The following IL23R variants were observed in gnomAD, a reference collection of about 807,000 sequenced individuals.
The protein encoded by IL23R is interleukin 23 receptor.
In IL23R, 34 loss-of-function variants were observed where a neutral mutation model predicts 56.9. That is an observed-to-expected ratio of 0.60 (90% CI 0.45 to 0.80). IL23R has a LOEUF of 0.80. IL23R is among the 30% of genes least tolerant of loss of function. The pLI, the probability that IL23R is intolerant of heterozygous loss-of-function variation, is 0.00. For synonymous variants in IL23R, 230 were observed against 249.2 expected (o/e 0.92, Z 0.73); for missense variants, 635 against 730.0 (o/e 0.87, Z 1.50).
chr1:67,156,378 G>A (rs1327264598), intron 1 of IL23R, among the ~76,000 whole-genome samples: 1 of 152,208 alleles, frequency 6.6e-6, no homozygotes, highest in Admixed American at 6.5e-5. Context: ...CAGCAGACAG[G>A]AAAGATTAAG....
At chr1:67,236,573 G>C in intron 7 of IL23R, 140 bp from the exon 8 acceptor site, 1 of 676,104 alleles carries the variant, frequency 1.5e-6, no homozygotes, top group Non-Finnish European at 2.7e-6. Flanking sequence ...GAAGACTATT[G>C]CTTTTATTCC....
At chr1:67,229,645 C>G (rs574505746) in intron 7 of IL23R, among the ~76,000 whole-genome samples, 1 of 152,156 alleles carries the variant, frequency 6.6e-6, no homozygotes, top group Non-Finnish European at 1.5e-5. Context: ...TACATAGGGG[C>G]GGCCAGCCAC....
At chr1:67,161,407 G>A (rs1287748607) in intron 1 of IL23R, among the ~76,000 whole-genome samples, 1 of 152,000 alleles carries the variant, frequency 6.6e-6, no homozygotes, top group Non-Finnish European at 1.5e-5. Context: ...TTATAGAAAA[G>A]CAAAAGGAAG....
chr1:67,215,395 A>C (rs956710303), intron 6 of IL23R, among the ~76,000 whole-genome samples: 17 of 152,078 alleles, frequency 1.1e-4, no homozygotes, highest in African/African-American at 3.6e-4. Context: ...TCTCCTCTAC[A>C]TGTCTCCTGG....
At position 67,213,015 on chromosome 1, in the gene IL23R, A is replaced by G. The variant is rs554914800; in HGVS notation, c.798+5960A>G. Among the ~76,000 whole-genome samples, 7 of 152,172 alleles carry G rather than the reference A, an allele frequency of 4.6e-5. No individual in the cohort carries two copies. In the South Asian group the frequency reaches 8.3e-4, roughly 18 times the overall value. On this transcript the variant is annotated intron_variant, in intron 6 of 10. Coordinates refer to ENST00000347310, the MANE Select transcript of IL23R (RefSeq NM_144701.3). ...CAGCCTCCCTAGTAGCTGGGATTAC[A>G]GGCATCGGGCACCACGTCTGGCTTC...
At chr1:67,165,473 C>G (rs993644767), upstream of IL23R, among the ~76,000 whole-genome samples, 1 of 152,016 alleles carries the variant, frequency 6.6e-6, no homozygotes, top group African/African-American at 2.4e-5. Context: ...GATCTATAGT[C>G]CCCCCACAGA....
intron 5 of IL23R, among the ~76,000 whole-genome samples, chr1:67,204,518 G>A (rs1488741310): frequency 6.6e-6 from 1 of 152,118 alleles, no homozygotes; most frequent in Non-Finnish European, 1.5e-5. Context: ...GCTTTATGCT[G>A]TGATTCTTAC....
chr1:67,236,886 G>T, intron 8 of IL23R, 84 bp downstream of exon 8: 1 of 882,032 alleles, frequency 1.1e-6, no homozygotes, highest in Non-Finnish European at 1.9e-6. Flanking sequence ...ATCACATCAG[G>T]TGTTAAGTTT....
At chr1:67,225,038 A>G (rs1239984508) in intron 7 of IL23R, among the ~76,000 whole-genome samples, 5 of 152,208 alleles carry the variant, frequency 3.3e-5, no homozygotes, top group Non-Finnish European at 7.3e-5. Context: ...AACTCAGGCT[A>G]TGGGATTCCA....
intron 1 of IL23R, among the ~76,000 whole-genome samples, chr1:67,159,297 A>T (rs1365443130): frequency 1.3e-5 from 2 of 151,622 alleles, no homozygotes; most frequent in Admixed American, 6.6e-5. Flanking sequence ...TTCTCAGAAG[A>T]TCTAATTGTT....
chr1:67,223,068 A>G (rs757176675), intron 7 of IL23R, among the ~76,000 whole-genome samples: 4 of 152,166 alleles, frequency 2.6e-5, no homozygotes, highest in Non-Finnish European at 4.4e-5. Context: ...ACCCTGGCCA[A>G]CATGGTGAAA....
intron 3 of IL23R, among the ~76,000 whole-genome samples, chr1:67,179,770 C>T (rs9709529): frequency 1.3e-5 from 2 of 151,984 alleles, no homozygotes; most frequent in Admixed American, 6.6e-5. Context: ...CTATAAATTT[C>T]CCTCTACACA....
chr1:67,210,711 C>T (rs930883953), intron 6 of IL23R, among the ~76,000 whole-genome samples: 2 of 152,102 alleles, frequency 1.3e-5, no homozygotes, highest in Admixed American at 1.3e-4. Flanking sequence ...AATCCTCCCC[C>T]TGGCTTTCTC....
intron 4 of IL23R, among the ~76,000 whole-genome samples, chr1:67,195,702 G>C (rs1306240941): frequency 1.3e-5 from 2 of 152,164 alleles, no homozygotes; most frequent in Non-Finnish European, 2.9e-5. Context: ...AATAGGAGGA[G>C]TTGCTCCTCA....
chr1:67,205,915 CTTTCTTTCTTT>C lies in IL23R; in HGVS notation c.653-992_653-982del, dbSNP rs747832398. ...TCTTTCTTTCTTTCTTTCTTTCTTTCTTTCTTTCTTTTTCTTTCTTTCTTTCTCTTTTTTTT... is the reference window on the plus strand; with the variant it reads ...TCTTTCTTTCTTTCTTTCTTTCTTTCTTCTTTCTTTCTTTCTCTTTTTTTT... On this transcript the variant is annotated intron_variant, in intron 5 of 10. Coordinates refer to ENST00000347310, the MANE Select transcript of IL23R (RefSeq NM_144701.3). Among the ~76,000 whole-genome samples the C allele has an allele frequency of 4.8e-3, 597 of 123,236 alleles. 7 individuals carry two copies. The highest frequency in any genetic ancestry group is 0.017 in the African/African-American group (575 of 34,128). The allele number at this position is 123,236 out of a possible 152,430, so 80.8% of individuals were successfully genotyped here.
At chr1:67,154,964 A>G (rs2102537195) in intron 1 of IL23R, among the ~76,000 whole-genome samples, 1 of 152,034 alleles carries the variant, frequency 6.6e-6, no homozygotes, top group Non-Finnish European at 1.5e-5. Flanking sequence ...TTCCTTCAGG[A>G]GCTCTTGTAA....
chr1:67,171,714 T>C (rs1443314792), intron 3 of IL23R, among the ~76,000 whole-genome samples: 1 of 152,216 alleles, frequency 6.6e-6, no homozygotes, highest in Non-Finnish European at 1.5e-5. Context: ...CTTGGTTATA[T>C]GTCACTTAAC....
upstream of IL23R, among the ~76,000 whole-genome samples, chr1:67,161,817 G>A (rs908521019): frequency 1.3e-4 from 19 of 151,764 alleles, no homozygotes; most frequent in Admixed American, 2.6e-4. Flanking sequence ...TAGTAGAGAT[G>A]GAGTTTCACC....
At chr1:67,169,908 G>T (rs1570775709) in intron 3 of IL23R, among the ~76,000 whole-genome samples, 1 of 152,166 alleles carries the variant, frequency 6.6e-6, no homozygotes, top group East Asian at 1.9e-4. Flanking sequence ...ATTTTAATGT[G>T]TACTCTCTAA....
Sources: gnomAD v4.1 joint callset for allele counts (sites outside exome capture counted in the v4.1 genomes callset) on GRCh38, gnomAD v4.1.1 for gene constraint, MANE v1.5 for transcripts, NCBI Gene and HGNC (gene_info 2026-07-23, HGNC 2026-07-21) for gene names.